Variants in DNAH7 observed in about 807,000 individuals in gnomAD.
The protein encoded by DNAH7 is axonemal beta dynein heavy chain 7.
Under a neutral mutation model 444.6 loss-of-function variants are expected in DNAH7, and 397 were observed. The observed-to-expected ratio is 0.89, with a 90% CI of 0.82 to 0.97. The LOEUF (loss-of-function observed/expected upper bound fraction) is 0.97. Among genes scored for constraint, DNAH7 ranks in the 50% least tolerant of loss-of-function variants. The pLI is 0.00. For synonymous variants in DNAH7, 1,636 were observed against 1,624.4 expected, an observed-to-expected ratio of 1.01 and a Z score of -0.17; for missense variants, 4,902 against 4,800.8, an observed-to-expected ratio of 1.02 and a Z score of -0.62.
chr2:195,884,432 T>C (rs1701590324), intron 35 of DNAH7, among the ~76,000 whole-genome samples, 153 bp downstream of exon 35: 1 of 152,198 alleles, frequency 6.6e-6, no homozygotes, highest in African/African-American at 2.4e-5. Flanking sequence ...CCTAGAGGTG[T>C]CTGACTTCAA....
intron 5 of DNAH7, among the ~76,000 whole-genome samples, chr2:196,042,104 C>T (rs1305449993): frequency 6.6e-6 from 1 of 151,940 alleles, no homozygotes; most frequent in East Asian, 1.9e-4. Flanking sequence ...TTCACACACA[C>T]ATTGTTGGTG....
intron 19 of DNAH7, 69 bp downstream of exon 19, chr2:195,957,192 G>A: frequency 2.3e-6 from 3 of 1,315,996 alleles, no homozygotes; most frequent in Non-Finnish European, 3.1e-6. Context: ...TGGCTTATAT[G>A]GATTTCTGAA....
At chr2:195,888,135 A>T in intron 33 of DNAH7, 123 bp downstream of exon 33, 1 of 800,940 alleles carries the variant, frequency 1.2e-6, no homozygotes, top group Non-Finnish European at 1.9e-6. Context: ...TTTTTAATTT[A>T]ATCAAAAAGG....
At chr2:195,899,830 T>C (rs560833134) in intron 28 of DNAH7, among the ~76,000 whole-genome samples, 4 of 152,288 alleles carry the variant, frequency 2.6e-5, no homozygotes, top group South Asian at 4.1e-4. Flanking sequence ...TATATTACAG[T>C]TATAATTTAG....
intron 56 of DNAH7, 92 bp from the exon 57 acceptor site, chr2:195,794,630 G>A (rs898306760): frequency 8.2e-7 from 1 of 1,215,836 alleles, no homozygotes; most frequent in Non-Finnish European, 1.2e-6. Flanking sequence ...GAAGGGGGAG[G>A]AAGTATTTTT....
At chr2:195,950,864 A>AAAC (rs1690191263) in intron 19 of DNAH7, among the ~76,000 whole-genome samples, 1 of 148,162 alleles carries the variant, frequency 6.7e-6, no homozygotes, top group South Asian at 2.1e-4. Flanking sequence ...AAAAAAAAAA[A>AAAC]AAAAAAAAAA....
At chr2:195,994,761 C>T in intron 12 of DNAH7, 1 of 469,846 alleles carries the variant, frequency 2.1e-6, no homozygotes, top group South Asian at 1.8e-5. Flanking sequence ...CATAAGCTAA[C>T]CTTTGATTCT....
At chr2:195,921,730 TAAAC>T (rs1688039051) in intron 24 of DNAH7, among the ~76,000 whole-genome samples, 1 of 152,080 alleles carries the variant, frequency 6.6e-6, no homozygotes, top group Non-Finnish European at 1.5e-5. Flanking sequence ...CTGTTCCCCA[TAAAC>T]CTATTGAAAT....
At chr2:195,969,314 AATAAG>A (rs1266861776) in intron 17 of DNAH7, among the ~76,000 whole-genome samples, 1 of 152,176 alleles carries the variant, frequency 6.6e-6, no homozygotes, top group African/African-American at 2.4e-5. Context: ...TACCTGAACT[AATAAG>A]ATATTAAGAT....
intron 2 of DNAH7, among the ~76,000 whole-genome samples, chr2:196,053,035 G>A (rs1697576826): frequency 1.7e-5 from 1 of 57,746 alleles, no homozygotes; most frequent in Admixed American, 1.9e-4. Context: ...ACATTCTAGA[G>A]GAGGTACAGT....
At chr2:195,772,372 G>C (rs1694880947) in intron 60 of DNAH7, among the ~76,000 whole-genome samples, 2 of 152,180 alleles carry the variant, frequency 1.3e-5, no homozygotes, top group South Asian at 4.1e-4. Context: ...CTTGAACCAG[G>C]AGAGAAAGAA....
At chr2:195,900,768 T>C (rs1686654451) in intron 27 of DNAH7, 1 of 242,996 alleles carries the variant, frequency 4.1e-6, no homozygotes, top group African/African-American at 2.3e-5. Flanking sequence ...AAATAATTTA[T>C]TCTATATTTT....
chr2:195,794,822 A>G (rs1461491033), intron 56 of DNAH7, among the ~76,000 whole-genome samples: 1 of 152,216 alleles, frequency 6.6e-6, no homozygotes, highest in East Asian at 1.9e-4. Flanking sequence ...TAAAATAACT[A>G]AGACGTTCCC....
intron 19 of DNAH7, among the ~76,000 whole-genome samples, chr2:195,940,791 T>A (rs2125434447): frequency 6.6e-6 from 1 of 152,306 alleles, no homozygotes; most frequent in East Asian, 1.9e-4. Flanking sequence ...TCACTTGTTA[T>A]TAGAGAAATG....
intron 46 of DNAH7, among the ~76,000 whole-genome samples, chr2:195,848,396 T>A (rs557758290): frequency 6.6e-6 from 1 of 152,354 alleles, no homozygotes; most frequent in Non-Finnish European, 1.5e-5. Context: ...TCTCATTGCA[T>A]CCATCAGATG....
At chr2:195,745,453 T>A (rs566215975) in intron 63 of DNAH7, among the ~76,000 whole-genome samples, 131 of 152,302 alleles carry the variant, frequency 8.6e-4, no homozygotes, top group African/African-American at 2.7e-3. Context: ...CCAGGAGAAC[T>A]TCCCCAATCT....
intron 40 of DNAH7, among the ~76,000 whole-genome samples, chr2:195,865,360 G>A (rs1700267701): frequency 6.6e-6 from 1 of 152,072 alleles, no homozygotes; most frequent in Non-Finnish European, 1.5e-5. Flanking sequence ...AGCAGAGCTG[G>A]GCACCAGTAC....
chr2:195,753,156 G>A (rs748034472), intron 63 of DNAH7, among the ~76,000 whole-genome samples: 11 of 152,112 alleles, frequency 7.2e-5, no homozygotes, highest in Non-Finnish European at 1.2e-4. Flanking sequence ...GGATCTGGAT[G>A]CCTCAAGGGT....
intron 12 of DNAH7, among the ~76,000 whole-genome samples, chr2:195,991,144 T>C (rs1489745161): frequency 6.6e-6 from 1 of 151,866 alleles, no homozygotes; most frequent in Non-Finnish European, 1.5e-5. Flanking sequence ...GGCTGTTTTT[T>C]ACATTACATT....
Sources: gnomAD v4.1 joint callset for allele counts (sites outside exome capture counted in the v4.1 genomes callset) on GRCh38, gnomAD v4.1.1 for gene constraint, MANE v1.5 for transcripts, NCBI Gene and HGNC (gene_info 2026-07-23, HGNC 2026-07-21) for gene names.